Variants in ADAMTS16 observed in about 807,000 individuals in gnomAD.
ADAMTS16 encodes ADAM metallopeptidase with thrombospondin type 1 motif 16.
Under a neutral mutation model 145.8 loss-of-function variants are expected in ADAMTS16, and 94 were observed. The observed-to-expected ratio is 0.64, with a 90% confidence interval of 0.55 to 0.77. The LOEUF is 0.77. Ranked by LOEUF, ADAMTS16 falls within the 30% of genes least tolerant of loss-of-function variation. ADAMTS16 has a pLI of 0.00. For synonymous variants in ADAMTS16, 659 were observed against 604.3 expected (o/e 1.09, Z -1.33); for missense variants, 1,585 against 1,591.5 (o/e 1.00, Z 0.07).
At chr5:5,191,890 T>A (rs771259246) in intron 8 of ADAMTS16, 100 bp downstream of exon 8, 16 of 834,418 alleles carry the variant, frequency 1.9e-5, no homozygotes, top group Non-Finnish European at 3.1e-5. Flanking sequence ...ATGAAGGGAA[T>A]TCACATATAT....
At chr5:5,274,701 T>TAC (rs773255148) in intron 18 of ADAMTS16, among the ~76,000 whole-genome samples, 1 of 148,948 alleles carries the variant, frequency 6.7e-6, no homozygotes, top group Non-Finnish European at 1.5e-5. Flanking sequence ...TACATATATA[T>TAC]ACACATATAT....
chr5:5,301,839 G>A (rs1739789963), intron 18 of ADAMTS16, among the ~76,000 whole-genome samples: 1 of 152,216 alleles, frequency 6.6e-6, no homozygotes, highest in Non-Finnish European at 1.5e-5. Flanking sequence ...CCTGTCCTGG[G>A]TTCTCAGCAC....
chr5:5,240,212 C>T (rs764358500), intron 16 of ADAMTS16, among the ~76,000 whole-genome samples: 1 of 152,110 alleles, frequency 6.6e-6, no homozygotes, highest in Non-Finnish European at 1.5e-5. Context: ...CTGTGAGATG[C>T]GGCCACTCTT....
chr5:5,216,175 C>T (rs991033911), intron 10 of ADAMTS16, among the ~76,000 whole-genome samples: 3 of 151,808 alleles, frequency 2.0e-5, no homozygotes, highest in Non-Finnish European at 2.9e-5. Flanking sequence ...AGAAGCGTTC[C>T]CTGTTTACCA....
chr5:5,173,527 G>A (rs551159598), intron 3 of ADAMTS16, among the ~76,000 whole-genome samples: 8 of 151,672 alleles, frequency 5.3e-5, no homozygotes, highest in Admixed American at 5.3e-4. Context: ...AGGCTCGAGT[G>A]CAGTGGCGTG....
At chr5:5,150,539 G>C (rs749201584) in intron 3 of ADAMTS16, among the ~76,000 whole-genome samples, 1 of 152,174 alleles carries the variant, frequency 6.6e-6, no homozygotes, top group Non-Finnish European at 1.5e-5. Flanking sequence ...TTTTATACCC[G>C]GGCACATGAC....
At chr5:5,309,623 G>A (rs981472246) in intron 21 of ADAMTS16, among the ~76,000 whole-genome samples, 1 of 152,150 alleles carries the variant, frequency 6.6e-6, no homozygotes, top group Non-Finnish European at 1.5e-5. Context: ...TTCTTTCATT[G>A]TGCGTGGATA....
chr5:5,207,196 C>T (rs991369686), intron 9 of ADAMTS16, among the ~76,000 whole-genome samples: 1 of 152,154 alleles, frequency 6.6e-6, no homozygotes, highest in Admixed American at 6.5e-5. Flanking sequence ...AAATATCTCT[C>T]TATTTAGTTT....
intron 18 of ADAMTS16, among the ~76,000 whole-genome samples, chr5:5,281,447 ATAT>A (rs1271725967): frequency 6.6e-6 from 1 of 152,252 alleles, no homozygotes. Context: ...ATATTTCATA[ATAT>A]TAGAGTATTA....
intron 10 of ADAMTS16, among the ~76,000 whole-genome samples, chr5:5,215,778 A>ATGGTATATATATGTG (rs200219964): frequency 1.7e-4 from 20 of 119,610 alleles, no homozygotes; most frequent in Non-Finnish European, 1.6e-4. Flanking sequence ...GTATATATAT[A>ATGGTATATATATGTG]TGGTATATAT....
At chr5:5,208,467 G>C (rs955107289) in intron 9 of ADAMTS16, among the ~76,000 whole-genome samples, 1 of 152,106 alleles carries the variant, frequency 6.6e-6, no homozygotes, top group African/African-American at 2.4e-5. Flanking sequence ...TCTATTTATG[G>C]AAAAAGAAAT....
chr5:5,211,398 A>C (rs1736269358), intron 10 of ADAMTS16, among the ~76,000 whole-genome samples: 1 of 152,184 alleles, frequency 6.6e-6, no homozygotes, highest in Non-Finnish European at 1.5e-5. Flanking sequence ...CTATAATGAT[A>C]TATCCCCTTT....
In ADAMTS16 at chr5:5,306,702, A is replaced by C; in HGVS notation, c.3385A>C (p.Ser1129Arg). The C allele has an allele frequency of 6.2e-7, 1 of 1,612,226 alleles. No homozygotes were observed. Among genetic ancestry groups the C allele is most frequent in the Non-Finnish European group, 8.5e-7 (1 of 1,179,366 alleles). The change falls in exon 21 of 23, where the codon AGC (serine) becomes CGC (arginine). Residue 1129 changes from serine to arginine, a missense_variant. Physicochemically the swap from Ser to Arg is moderately radical, Grantham distance 110. Coordinates refer to ENST00000274181, the MANE Select transcript of ADAMTS16 (RefSeq NM_139056.4). ...TGCTGCTGCGGGACCCTCGAGGGGC[A>C]GCTGGTTTGCCTCACCCTGGTCTCA... ...PFAAAGPSRG[S>R]WFASPWSQCT...
intron 3 of ADAMTS16, among the ~76,000 whole-genome samples, chr5:5,161,446 G>T (rs576432433): frequency 1.1e-3 from 175 of 152,286 alleles, no homozygotes; most frequent in African/African-American, 4.0e-3. Context: ...ACATAACACA[G>T]CTGTCCTAGA....
rs186655792 is a variant in ADAMTS16 at position 5,151,134 on chromosome 5, T to G, written c.501+4679T>G. On this transcript the variant is annotated intron_variant, in intron 3 of 22. Transcript: ENST00000274181. ...ACTGTACTTTTCAATTCCAAAATTTTTATTTCTTTCTTTTAAAAATGTACC... is the reference window on the plus strand; with the variant it reads ...ACTGTACTTTTCAATTCCAAAATTTGTATTTCTTTCTTTTAAAAATGTACC... 1.8e-3 allele frequency among the ~76,000 whole-genome samples: 281 copies of G among 152,168 alleles called. 3 individuals are homozygous for G. The highest frequency in any genetic ancestry group is 6.0e-3 in the Admixed American group (92 of 15,280).
chr5:5,161,421 T>C (rs962881904), intron 3 of ADAMTS16, among the ~76,000 whole-genome samples: 2 of 152,188 alleles, frequency 1.3e-5, no homozygotes, highest in African/African-American at 4.8e-5. Context: ...CCAGGCTCTG[T>C]CATGGGATAA....
intron 18 of ADAMTS16, 100 bp from the exon 19 acceptor site, chr5:5,303,168 T>C: frequency 7.9e-7 from 1 of 1,272,762 alleles, no homozygotes; most frequent in Non-Finnish European, 1.1e-6. Flanking sequence ...CACACGACCG[T>C]GGCTGGGAAA....
chr5:5,198,904 G>A (rs1249300232), intron 8 of ADAMTS16, among the ~76,000 whole-genome samples: 2 of 152,140 alleles, frequency 1.3e-5, no homozygotes, highest in South Asian at 2.1e-4. Context: ...AAACCACCAT[G>A]TCCTTCTTTG....
chr5:5,286,748 C>T (rs916168150), intron 18 of ADAMTS16, among the ~76,000 whole-genome samples: 3 of 150,188 alleles, frequency 2.0e-5, no homozygotes, highest in African/African-American at 4.9e-5. Flanking sequence ...GTCCCAGCTA[C>T]TTGGGAGGCT....
Sources: gnomAD v4.1 joint callset for allele counts (sites outside exome capture counted in the v4.1 genomes callset) on GRCh38, gnomAD v4.1.1 for gene constraint, MANE v1.5 for transcripts, NCBI Gene and HGNC (gene_info 2026-07-23, HGNC 2026-07-21) for gene names.